Variants in ACOXL observed in about 807,000 individuals in gnomAD.
The protein encoded by ACOXL is acyl-coenzyme A oxidase-like protein.
Under a neutral mutation model 71.9 loss-of-function variants are expected in ACOXL, and 70 were observed. That is an observed-to-expected ratio of 0.97 (90% CI 0.80 to 1.19). The LOEUF is 1.19. ACOXL is among the 50% of genes most tolerant of loss of function. ACOXL has a pLI of 0.00. For synonymous variants in ACOXL, 253 were observed against 281.6 expected (o/e 0.90, Z 1.02); for missense variants, 703 against 736.3 (o/e 0.95, Z 0.52).
rs751607372 is a variant in ACOXL, at chr2:110,886,380, C to CT, written c.789-22392dup. ...TGGACTTTACCCTATCCTTCTTTTT[C>CT]TTTTTTTTTTTTTTTTTAATGGATT... On this transcript the variant is annotated intron_variant, in intron 10 of 17. Coordinates refer to ENST00000439055, the MANE Select transcript of ACOXL (RefSeq NM_001142807.4). Among the ~76,000 whole-genome samples the CT allele has an allele frequency of 4.8e-3, 636 of 131,456 alleles. 7 individuals are homozygous for CT. The highest frequency in any genetic ancestry group is 0.011 in the African/African-American group (384 of 35,290). The allele number at this position is 131,456 out of a possible 152,430, so 86.2% of individuals were successfully genotyped here.
chr2:110,756,229 T>C (rs1472687821), intron 1 of ACOXL, among the ~76,000 whole-genome samples: 2 of 152,026 alleles, frequency 1.3e-5, no homozygotes, highest in African/African-American at 4.8e-5. Flanking sequence ...CGGGTTCAAG[T>C]GATTCTCCTG....
intron 16 of ACOXL, among the ~76,000 whole-genome samples, chr2:111,069,352 A>G (rs1479646808): frequency 6.6e-6 from 1 of 151,916 alleles, no homozygotes; most frequent in African/African-American, 2.4e-5. Flanking sequence ...GGGTTTCACC[A>G]TGTTGGCCAG....
At chr2:110,932,783 CAGTG>C (rs754420195) in intron 11 of ACOXL, among the ~76,000 whole-genome samples, 4 of 152,154 alleles carry the variant, frequency 2.6e-5, no homozygotes, top group Non-Finnish European at 5.9e-5. Context: ...TCAGCGTAAG[CAGTG>C]AGGCCTGTAA....
At chr2:110,772,596 C>G (rs1019344644) in intron 2 of ACOXL, among the ~76,000 whole-genome samples, 14 of 152,090 alleles carry the variant, frequency 9.2e-5, no homozygotes, top group Admixed American at 6.6e-5. Flanking sequence ...AAGATCCTAC[C>G]CCTGACTCCT....
At chr2:111,068,379 AG>A (rs2067175628) in intron 16 of ACOXL, among the ~76,000 whole-genome samples, 2 of 152,168 alleles carry the variant, frequency 1.3e-5, no homozygotes, top group Non-Finnish European at 2.9e-5. Context: ...TGTGGTGAAG[AG>A]GTCAGCAAGA....
intron 10 of ACOXL, among the ~76,000 whole-genome samples, chr2:110,871,498 G>A (rs536642977): frequency 1.4e-4 from 22 of 152,136 alleles, no homozygotes; most frequent in African/African-American, 4.1e-4. Flanking sequence ...TCGTCTCGGG[G>A]GACTGCAGAT....
At chr2:110,851,531 C>T (rs1041231867) in intron 10 of ACOXL, among the ~76,000 whole-genome samples, 5 of 152,232 alleles carry the variant, frequency 3.3e-5, no homozygotes, top group Admixed American at 1.3e-4. Flanking sequence ...CTTTCTAAGG[C>T]GTTCCACGAC....
intron 3 of ACOXL, among the ~76,000 whole-genome samples, chr2:110,792,355 T>C (rs1684749456): frequency 6.6e-6 from 1 of 152,224 alleles, no homozygotes; most frequent in Non-Finnish European, 1.5e-5. Context: ...CTTCTGTCTT[T>C]GCAGTCAGTC....
intron 10 of ACOXL, among the ~76,000 whole-genome samples, chr2:110,847,478 G>T (rs1692060426): frequency 6.6e-6 from 1 of 152,146 alleles, no homozygotes; most frequent in Admixed American, 6.5e-5. Flanking sequence ...CTAACACAAC[G>T]ATTTTGCTTT....
intron 9 of ACOXL, among the ~76,000 whole-genome samples, chr2:110,810,762 G>A (rs1271553611): frequency 6.6e-6 from 1 of 152,214 alleles, no homozygotes; most frequent in East Asian, 1.9e-4. Context: ...TTAATGGGGA[G>A]TGTATTAGTC....
intron 16 of ACOXL, among the ~76,000 whole-genome samples, chr2:111,060,063 C>T (rs182910409): frequency 8.7e-4 from 132 of 152,268 alleles, no homozygotes; most frequent in African/African-American, 2.7e-3. Context: ...TCCACACTCA[C>T]GAGACTACAA....
At chr2:111,117,450 C>T (rs2070441825) in intron 17 of ACOXL, among the ~76,000 whole-genome samples, 166 bp from the exon 18 acceptor site, 1 of 152,218 alleles carries the variant, frequency 6.6e-6, no homozygotes, top group Admixed American at 6.5e-5. Flanking sequence ...ACAAAAAAGG[C>T]TTCCGAGGGT....
intron 9 of ACOXL, among the ~76,000 whole-genome samples, chr2:110,831,170 A>G (rs894282189): frequency 6.6e-6 from 1 of 152,196 alleles, no homozygotes; most frequent in Non-Finnish European, 1.5e-5. Flanking sequence ...AAGAGGCATA[A>G]AGATCAGAAA....
rs548559588 is a variant in ACOXL, at chr2:111,005,595, T to G, written c.1281+9591T>G. Among the ~76,000 whole-genome samples the G allele has an allele frequency of 2.6e-5, 4 of 152,338 alleles. No homozygotes were observed. The East Asian group carries it at 7.7e-4, about 29-fold the overall frequency. On this transcript the variant is annotated intron_variant, in intron 14 of 17. Coordinates refer to ENST00000439055, the MANE Select transcript of ACOXL (RefSeq NM_001142807.4). ...CGCAGTACTTTTGTAAAGCCTATCT[T>G]TCTAACAGATGCCACCTATTCTGTT...
At chr2:111,017,016 C>T (rs2064476910) in intron 14 of ACOXL, among the ~76,000 whole-genome samples, 1 of 152,208 alleles carries the variant, frequency 6.6e-6, no homozygotes, top group East Asian at 1.9e-4. Flanking sequence ...ATGTGACAAG[C>T]TCTGGTCTCA....
intron 9 of ACOXL, among the ~76,000 whole-genome samples, chr2:110,831,403 G>T (rs1311213585): frequency 6.6e-6 from 1 of 152,166 alleles, no homozygotes; most frequent in African/African-American, 2.4e-5. Flanking sequence ...AGCAAAACAT[G>T]TATAGAATTT....
intron 9 of ACOXL, among the ~76,000 whole-genome samples, chr2:110,813,321 C>T (rs1229760723): frequency 6.6e-6 from 1 of 152,194 alleles, no homozygotes; most frequent in East Asian, 1.9e-4. Context: ...CCCCAGCCTC[C>T]TCAAACCTTG....
chr2:110,964,715 T>TA (rs1215767264), intron 12 of ACOXL, among the ~76,000 whole-genome samples: 1 of 152,240 alleles, frequency 6.6e-6, no homozygotes, highest in African/African-American at 2.4e-5. Flanking sequence ...TGTACATATA[T>TA]AAGGGATACA....
At chr2:111,073,881 G>A (rs776731473) in intron 16 of ACOXL, among the ~76,000 whole-genome samples, 6 of 152,078 alleles carry the variant, frequency 3.9e-5, no homozygotes, top group African/African-American at 7.2e-5. Flanking sequence ...TGACTCTTCC[G>A]ATCCATTTTA....
Sources: allele counts gnomAD v4.1 joint callset (sites outside exome capture counted in the v4.1 genomes callset), GRCh38; gene constraint gnomAD v4.1.1; transcripts MANE v1.5; gene names NCBI Gene and HGNC (gene_info 2026-07-23, HGNC 2026-07-21).